LTBP2: variants seen among roughly 807,000 people sequenced by gnomAD.
The protein encoded by LTBP2 is latent transforming growth factor beta binding protein 2, also known as latent-transforming growth factor beta-binding protein 2.
Under a neutral mutation model 210.6 loss-of-function variants are expected in LTBP2, and 103 were observed. The observed-to-expected ratio is 0.49, with a 90% CI of 0.42 to 0.58. The LOEUF (loss-of-function observed/expected upper bound fraction) is 0.58. LTBP2 is among the 20% of genes least tolerant of loss of function. The pLI is 0.00. For synonymous variants in LTBP2, 1,007 were observed against 1,015.0 expected (o/e 0.99, Z 0.15); for missense variants, 2,313 against 2,494.5 (o/e 0.93, Z 1.55).
intron 2 of LTBP2, among the ~76,000 whole-genome samples, chr14:74,591,474 T>C (rs181302055): frequency 4.9e-4 from 74 of 152,268 alleles, no homozygotes; most frequent in Middle Eastern, 3.4e-3. Flanking sequence ...GAATTAACCA[T>C]GTAGGATGCT....
intron 18 of LTBP2, among the ~76,000 whole-genome samples, 176 bp from the exon 19 acceptor site, chr14:74,511,540 G>T (rs2087071768): frequency 6.6e-6 from 1 of 152,176 alleles, no homozygotes; most frequent in African/African-American, 2.4e-5. Context: ...CCACCGTCTG[G>T]GACAAAAGAG....
At position 74,508,004 on chromosome 14, in the gene LTBP2, G is replaced by A. The variant is rs1595241600; in HGVS notation, c.3744C>T (p.Phe1248=). The stretch of plus-strand genomic sequence containing the variant: ...ACTCTCCACTCTCTGGGGAGGGCTG[G>A]AAGCCAGTCTCACATAGACAGTTGA... ...GSFNCLCETG[F]QPSPESGECV... The change falls in exon 25 of 36, where the codon TTC becomes TTT. Residue 1248 remains phenylalanine (F), a synonymous_variant. Coordinates refer to ENST00000261978, the MANE Select transcript of LTBP2 (RefSeq NM_000428.3). The A allele has an allele frequency of 6.2e-7, 1 of 1,613,800 alleles. No individual in the cohort carries two copies. Among genetic ancestry groups the A allele is most frequent in the Non-Finnish European group, 8.5e-7 (1 of 1,180,018 alleles).
chr14:74,564,330 TTTATA>T (rs2087867982), intron 3 of LTBP2, among the ~76,000 whole-genome samples: 1 of 16,556 alleles, frequency 6.0e-5, no homozygotes, highest in Non-Finnish European at 1.0e-4. Context: ...TATATATATA[TTTATA>T]TATATATATT....
rs776633793 is a variant in LTBP2, at chr14:74,511,258, A to G, written c.3015T>C (p.Ser1005=). Residue 1005 remains serine (S), a synonymous_variant, in exon 19 of 36, where the codon AGT becomes AGC. Transcript: ENST00000261978. ...LACEEGYRGQ[S]GSCVDVNECL... ...AGCAGCCCTCACCTACACAGCTCCC[A>G]CTCTGGCCCCGGTAGCCCTCCTCAC... The G allele has an allele frequency of 3.1e-6, 5 of 1,613,392 alleles. No homozygotes were observed. The East Asian group carries it at 1.1e-4, about 36-fold the overall frequency.
chr14:74,550,998 A>G, intron 7 of LTBP2, 66 bp downstream of exon 7: 1 of 1,582,990 alleles, frequency 6.3e-7, no homozygotes, highest in Non-Finnish European at 8.7e-7. Context: ...GAGGAGGAGA[A>G]GGGCAGACTG....
rs775487669 is a variant in LTBP2 at position 74,506,717 on chromosome 14, G to C, written c.4014C>G (p.Pro1338=). The C allele has an allele frequency of 6.2e-7, 1 of 1,613,772 alleles. No individual in the cohort carries two copies. The highest frequency in any genetic ancestry group is 1.1e-5 in the South Asian group (1 of 91,084). ...CLCDQGFEIS[P]SGWDCVDVNE... ...CCTCACCCACACAGTCCCAGCCTGAGGGAGAGATCTCGAAGCCCTGGTCAC... is the reference window on the plus strand; with the variant it reads ...CCTCACCCACACAGTCCCAGCCTGACGGAGAGATCTCGAAGCCCTGGTCAC... Residue 1338 remains proline (P), a synonymous_variant, in exon 27 of 36, where the codon CCC becomes CCG. Coordinates refer to ENST00000261978, the MANE Select transcript of LTBP2 (RefSeq NM_000428.3).
intron 33 of LTBP2, 28 bp downstream of exon 33, chr14:74,503,191 G>T (rs2086934945): frequency 3.7e-6 from 6 of 1,612,434 alleles, no homozygotes; most frequent in South Asian, 2.2e-5. Flanking sequence ...GCCCAGCCCT[G>T]CAGGGTATCC....
rs902239549 is a variant in LTBP2 at position 74,503,822 on chromosome 14, G to C, written c.4582+104C>G. On this transcript the variant is annotated intron_variant, in intron 31 of 35. Transcript: ENST00000261978. The stretch of plus-strand genomic sequence containing the variant: ...CCTGCTGCAGTGGGCGGCCTCCCTA[G>C]GAAGGGGGACTCTCAGCAATAATGG... The C allele has an allele frequency of 2.6e-6, 4 of 1,530,022 alleles. No homozygotes were observed. In the African/African-American group the frequency reaches 5.5e-5, roughly 21 times the overall value. The allele number at this position is 1,530,022 out of a possible 1,614,324, so 94.8% of individuals were successfully genotyped here. A position where few individuals can be genotyped will look rare whatever the true frequency, so the allele number is the denominator to read the frequency against.
Position 74,503,225 on chromosome 14 carries a change from T to C in LTBP2, c.4882A>G (p.Ser1628Gly), listed in dbSNP as rs762196863. The C allele has an allele frequency of 6.2e-7, 1 of 1,613,920 alleles. No homozygotes were observed. The highest frequency in any genetic ancestry group is 8.5e-7 in the Non-Finnish European group (1 of 1,180,012). ...CCCCTTTGCTCCCCCTCACCAGAGC[T>C]CCTCGGGGGACACAGAGCACACTGC... ...SQQCALCPPR[S>G]SEVYAQLCNV... is the part of the protein sequence containing the mutation. Residue 1628 changes from serine (S) to glycine (G), a missense_variant, in exon 33 of 36, where the codon AGC becomes GGC. By Grantham distance (56) the Ser-to-Gly change is moderately conservative. Transcript: ENST00000261978.
At chr14:74,512,181 G>A (rs2087080460) in intron 18 of LTBP2, among the ~76,000 whole-genome samples, 1 of 152,216 alleles carries the variant, frequency 6.6e-6, no homozygotes, top group African/African-American at 2.4e-5. Context: ...CAGGGGACCT[G>A]GACTGAGTGA....
intron 31 of LTBP2, 96 bp downstream of exon 31, chr14:74,503,830 G>A: frequency 1.3e-6 from 2 of 1,546,164 alleles, no homozygotes; most frequent in East Asian, 2.3e-5. Context: ...TAGGAAGGGG[G>A]ACTCTCAGCA....
In LTBP2 at chr14:74,522,851, A is replaced by C. The variant is rs2087225153; in HGVS notation, c.2598T>G (p.Asp866Glu). The C allele has an allele frequency of 6.2e-7, 1 of 1,612,870 alleles. No homozygotes were observed. The highest frequency in any genetic ancestry group is 1.1e-5 in the South Asian group (1 of 90,808). The change falls in exon 16 of 36, where the codon GAT becomes GAG. Residue 866 changes from aspartate to glutamate, a missense_variant. Physicochemically the swap from Asp to Glu is conservative, Grantham distance 45. Transcript: ENST00000261978. ...CAGGGCTGCAGACACATCTGTATCC[A>C]TCGGGGAGGTTCACGCAGGTTCCAG... is the stretch of plus-strand genomic sequence containing the variant. ...CGPGTCVNLP[D>E]GYRCVCSPGY...
intron 9 of LTBP2, among the ~76,000 whole-genome samples, chr14:74,532,814 T>C (rs902369653): frequency 6.6e-6 from 1 of 152,224 alleles, no homozygotes; most frequent in African/African-American, 2.4e-5. Flanking sequence ...ACAATGATCA[T>C]AATATTAAGA....
chr14:74,503,216 C>T lies in LTBP2; in HGVS notation c.4888+3G>A. ...GCAGGGTATCCCCTTTGCTCCCCCT[C>T]ACCAGAGCTCCTCGGGGGACACAGA... is the stretch of plus-strand genomic sequence containing the variant. On this transcript the variant is annotated splice_donor_region_variant and intron_variant, in intron 33 of 35. Coordinates refer to ENST00000261978, the MANE Select transcript of LTBP2 (RefSeq NM_000428.3). The T allele has an allele frequency of 1.2e-6, 2 of 1,613,882 alleles. No homozygotes were observed. The highest frequency in any genetic ancestry group is 1.7e-6 in the Non-Finnish European group (2 of 1,180,018).
At position 74,501,454 on chromosome 14, in the gene LTBP2, GTGGGCC is replaced by G. The variant is rs1304739528; in HGVS notation, c.5301_5306del (p.Ala1768_His1769del). ...TTCTGCACTTACCTACGCAGGCCATGTGGGCCGCATCCAGCTGGAAGCCCTCAAAAC... is the reference window on the plus strand; with the variant it reads ...TTCTGCACTTACCTACGCAGGCCATGGCATCCAGCTGGAAGCCCTCAAAAC... On this transcript the variant is annotated inframe_deletion, in exon 35 of 36. Transcript: ENST00000261978. The G allele has an allele frequency of 3.7e-6, 6 of 1,614,042 alleles. No homozygotes were observed. The highest frequency in any genetic ancestry group is 3.3e-5 in the Admixed American group (2 of 60,008).
chr14:74,593,410 C>T lies in LTBP2; in HGVS notation c.566-7292G>A, dbSNP rs930329863. On this transcript the variant is annotated intron_variant, in intron 2 of 35. Coordinates refer to ENST00000261978, the MANE Select transcript of LTBP2 (RefSeq NM_000428.3). The stretch of plus-strand genomic sequence containing the variant: ...TACATCTCAGCTGCATGACCTTGGA[C>T]ACATGTCATCTCGCTGAGATGTCTC... Among the ~76,000 whole-genome samples the T allele has an allele frequency of 5.3e-5, 8 of 152,206 alleles. No individual in the cohort carries two copies. In the South Asian group the frequency reaches 1.2e-3, roughly 24 times the overall value.
chr14:74,560,894 T>C (rs1398802592), intron 3 of LTBP2, among the ~76,000 whole-genome samples: 2 of 152,264 alleles, frequency 1.3e-5, no homozygotes, highest in African/African-American at 2.4e-5. Flanking sequence ...GCAAACATTA[T>C]GTCATTTTAT....
At chr14:74,607,958 G>C (rs2088550923) in intron 1 of LTBP2, among the ~76,000 whole-genome samples, 1 of 149,602 alleles carries the variant, frequency 6.7e-6, no homozygotes, top group Non-Finnish European at 1.5e-5. Context: ...CTGTCGCCCA[G>C]GCCGGACTGC....
chr14:74,508,504 C>G, intron 24 of LTBP2, 100 bp downstream of exon 24: 1 of 1,534,060 alleles, frequency 6.5e-7, no homozygotes, highest in Non-Finnish European at 8.7e-7. Flanking sequence ...GGACACCACT[C>G]TAGTCTTAGC....
Sources: allele counts gnomAD v4.1 joint callset (sites outside exome capture counted in the v4.1 genomes callset), GRCh38; gene constraint gnomAD v4.1.1; transcripts MANE v1.5; gene names NCBI Gene and HGNC (gene_info 2026-07-23, HGNC 2026-07-21).